The following TAGAP variants were observed in gnomAD, a reference collection of about 807,000 sequenced individuals.
The protein encoded by TAGAP is T cell activation RhoGTPase activating protein.
In TAGAP, 16 loss-of-function variants were observed where a neutral mutation model predicts 36.0. The ratio of observed to expected loss-of-function variants is 0.44; its 90% CI spans 0.30 to 0.68. The LOEUF is 0.68. TAGAP is among the 30% of genes least tolerant of loss of function. The pLI is 0.09. For missense variants in TAGAP, 794 were observed against 921.5 expected, an observed-to-expected ratio of 0.86 and a Z score of 1.79; for synonymous variants, 372 against 377.4, an observed-to-expected ratio of 0.99 and a Z score of 0.17.
rs1156582319 is a variant in TAGAP at position 159,036,442 on chromosome 6, G to T, written c.1581C>A (p.Gly527=). 1.2e-6 allele frequency: 2 copies of T among 1,614,190 alleles called. No homozygotes were observed. Among genetic ancestry groups the T allele is most frequent in the Non-Finnish European group, 1.7e-6 (2 of 1,180,034 alleles). Residue 527 remains glycine, a synonymous_variant, in exon 10 of 10, where the codon GGC becomes GGA. Coordinates refer to ENST00000367066, the MANE Select transcript of TAGAP (RefSeq NM_054114.5). The surrounding 1 kb of genome is among the most constrained non-coding windows in gnomAD (Gnocchi z 4.9). ...KKVLTKNLSA[G]SGKSQDFTRD... is the part of the protein sequence containing the mutation. ...TGGTAAAGTCTTGCGATTTCCCAGA[G>T]CCCGCGCTGAGGTTTTTGGTCAGCA...
chr6:159,042,159 C>G lies in TAGAP; in HGVS notation c.234G>C (p.Glu78Asp). ...SPASDFSGAL[E>D]TDLKASLFDQ... ...CAAATAGCGATGCTTTCAAGTCTGTCTCCAAAGCCCCAGAAAAATCTGATG... is the reference window on the plus strand; with the variant it reads ...CAAATAGCGATGCTTTCAAGTCTGTGTCCAAAGCCCCAGAAAAATCTGATG... The change falls in exon 5 of 10, where the codon GAG becomes GAC. Residue 78 changes from glutamate to aspartate, a missense_variant. Physicochemically the swap from Glu to Asp is conservative, Grantham distance 45 (BLOSUM62 2). Coordinates refer to ENST00000367066, the MANE Select transcript of TAGAP (RefSeq NM_054114.5). 6.2e-7 allele frequency: 1 copy of G among 1,614,212 alleles called. No individual in the cohort carries two copies. The highest frequency in any genetic ancestry group is 8.5e-7 in the Non-Finnish European group (1 of 1,180,038).
chr6:159,040,949 T>C, intron 6 of TAGAP, 117 bp from the exon 7 acceptor site: 2 of 734,460 alleles, frequency 2.7e-6, no homozygotes, highest in South Asian at 3.5e-5. Context: ...TCATAGATTG[T>C]GGCCCTTCAT....
At position 159,036,186 on chromosome 6, in the gene TAGAP, G is replaced by C; in HGVS notation, c.1837C>G (p.Gln613Glu). 6.2e-7 allele frequency: 1 copy of C among 1,611,448 alleles called. No individual in the cohort carries two copies. Among genetic ancestry groups the C allele is most frequent in the Non-Finnish European group, 8.5e-7 (1 of 1,178,990 alleles). Residue 613 changes from glutamine to glutamate, a missense_variant, in exon 10 of 10, where the codon CAG becomes GAG. By Grantham distance (29) the Gln-to-Glu change is conservative (BLOSUM62 2). Coordinates refer to ENST00000367066, the MANE Select transcript of TAGAP (RefSeq NM_054114.5). This position sits in a 1 kb window ranked among gnomAD's most constrained non-coding sequence, Gnocchi z 4.9. ...CCCACCGTCATGCTCCCCACGGTCT[G>C]GCTCTCGGAGGCCACTAGTCTGGCT... ...PAARLVASESQTVGSMTVGSM... is the reference protein window; with the variant it reads ...PAARLVASESETVGSMTVGSM...
chr6:159,041,206 T>A lies in TAGAP; in HGVS notation c.477+148A>T. ...CACAGAAACAGAGGTGCTTACTAAA[T>A]AAATAAATAAAGGGCTTAATGAAAA... On this transcript the variant is annotated intron_variant, in intron 6 of 9. Coordinates refer to ENST00000367066, the MANE Select transcript of TAGAP (RefSeq NM_054114.5). This position sits in a 1 kb window ranked among gnomAD's most constrained non-coding sequence, Gnocchi z 4.1. 1.0e-6 allele frequency: 1 copy of A among 956,976 alleles called. No individual in the cohort carries two copies. The highest frequency in any genetic ancestry group is 1.5e-6 in the Non-Finnish European group (1 of 651,716). The allele number at this position is 956,976 out of a possible 1,614,324, so 59.3% of individuals were successfully genotyped here. A position where few individuals can be genotyped will look rare whatever the true frequency, so the allele number is the denominator to read the frequency against.
rs1207661454 is a variant in TAGAP, at chr6:159,041,339, G to A, written c.477+15C>T. The A allele has an allele frequency of 1.2e-6, 2 of 1,611,250 alleles. No individual in the cohort carries two copies. Among genetic ancestry groups the A allele is most frequent in the South Asian group, 1.1e-5 (1 of 90,826 alleles). On this transcript the variant is annotated intron_variant, in intron 6 of 9. Coordinates refer to ENST00000367066, the MANE Select transcript of TAGAP (RefSeq NM_054114.5). The surrounding 1 kb of genome is among the most constrained non-coding windows in gnomAD (Gnocchi z 4.1). The stretch of plus-strand genomic sequence containing the variant: ...CCCCTTGGCAGGTTATTTGGCGCAA[G>A]TGTGTTGAACTCACCTTAAAGACCA...
intron 1 of TAGAP, 40 bp from the exon 2 acceptor site, chr6:159,044,244 C>T: frequency 8.0e-7 from 1 of 1,251,540 alleles, no homozygotes; most frequent in Non-Finnish European, 1.1e-6. Context: ...GAGGGACTCA[C>T]ACAGTAGGCC....
chr6:159,040,704 G>T lies in TAGAP; in HGVS notation c.587+19C>A. On this transcript the variant is annotated intron_variant, in intron 7 of 9. Transcript: ENST00000367066. ...GAGGTGATGTGGCCTGGCAATGACC[G>T]ATGACTTTGATGACTTACTGTTTCA... 3.7e-6 allele frequency: 6 copies of T among 1,601,562 alleles called. No individual in the cohort carries two copies. Among genetic ancestry groups the T allele is most frequent in the Non-Finnish European group, 5.1e-6 (6 of 1,168,838 alleles).
At chr6:159,038,678 C>T (rs1159641200) in intron 8 of TAGAP, among the ~76,000 whole-genome samples, 1 of 152,068 alleles carries the variant, frequency 6.6e-6, no homozygotes, top group African/African-American at 2.4e-5. Context: ...ACGTGAGCCA[C>T]CATGCCAACA....
rs372364101 is a variant in TAGAP at position 159,043,630 on chromosome 6, A to G, written c.107T>C (p.Leu36Ser). The G allele has an allele frequency of 3.1e-6, 5 of 1,614,124 alleles. No homozygotes were observed. The highest frequency in any genetic ancestry group is 3.3e-5 in the Admixed American group (2 of 60,030). The change falls in exon 4 of 10, where the codon TTG (leucine) becomes TCG (serine). Residue 36 changes from leucine (L) to serine (S), a missense_variant. Coordinates refer to ENST00000367066, the MANE Select transcript of TAGAP (RefSeq NM_054114.5). Reference sequence around the variant, plus strand: ...ACTGTCTTCACTCTCACATGATGCCAACAGGGGATGTTCCTTGATATCACC... The same window carrying G: ...ACTGTCTTCACTCTCACATGATGCCGACAGGGGATGTTCCTTGATATCACC... ...SEGDIKEHPL[L>S]ASCESEDSIC...
chr6:159,036,488 G>C lies in TAGAP; in HGVS notation c.1535C>G (p.Thr512Ser). 3 of 1,614,146 alleles carry C rather than the reference G, an allele frequency of 1.9e-6. No individual in the cohort carries two copies. Among genetic ancestry groups the C allele is most frequent in the Non-Finnish European group, 2.5e-6 (3 of 1,180,026 alleles). The change falls in exon 10 of 10, where the codon ACC becomes AGC. Residue 512 changes from threonine to serine, a missense_variant. Coordinates refer to ENST00000367066, the MANE Select transcript of TAGAP (RefSeq NM_054114.5). The surrounding 1 kb of genome is among the most constrained non-coding windows in gnomAD (Gnocchi z 4.9). ...CAGCACTTTTTTGTGAGGGGCAAAG[G>C]TGAAAGACATGGAGTGCTTTTTAAT... ...REIKKHSMSF[T>S]FAPHKKVLTK...
In TAGAP at chr6:159,035,473, A is replaced by G. The variant is rs1448192806; in HGVS notation, c.*354T>C. ...GGCATGACATTTGAGGCCACATTAA[A>G]AAAGCGAAGATAATTTTTAAACACT... On this transcript the variant is annotated 3_prime_UTR_variant, in exon 10 of 10. Transcript: ENST00000367066. The G allele has an allele frequency of 5.7e-6, 1 of 174,238 alleles. No homozygotes were observed. Among genetic ancestry groups the G allele is most frequent in the Non-Finnish European group, 1.2e-5 (1 of 81,916 alleles). The allele number at this position is 174,238 out of a possible 1,614,324, so 10.8% of individuals were successfully genotyped here.
chr6:159,040,752 G>T lies in TAGAP; in HGVS notation c.558C>A (p.Asp186Glu). ...EEWMGALEMQ[D>E]EEDRIEALKQ... Reference sequence around the variant, plus strand: ...TCAGGGCCTCGATTCTGTCCTCCTCGTCCTGCATCTCCAGAGCACCCATCC... The same window carrying T: ...TCAGGGCCTCGATTCTGTCCTCCTCTTCCTGCATCTCCAGAGCACCCATCC... The change falls in exon 7 of 10, where the codon GAC becomes GAA. Residue 186 changes from aspartate to glutamate, a missense_variant. By Grantham distance (45) the Asp-to-Glu change is conservative. Transcript: ENST00000367066. 1 of 1,614,030 alleles carries T rather than the reference G, an allele frequency of 6.2e-7. No individual in the cohort carries two copies. Among genetic ancestry groups the T allele is most frequent in the East Asian group, 2.2e-5 (1 of 44,870 alleles).
intron 7 of TAGAP, among the ~76,000 whole-genome samples, chr6:159,040,338 A>G (rs150916755): frequency 2.1e-3 from 316 of 152,342 alleles, no homozygotes; most frequent in South Asian, 8.1e-3. Context: ...GTTGCCTTGC[A>G]TGACACCAGT....
rs1404906321 is a variant in TAGAP at position 159,036,187 on chromosome 6, G to A, written c.1836C>T (p.Ser612=). Residue 612 remains serine (S), a synonymous_variant, in exon 10 of 10, where the codon AGC becomes AGT. Transcript: ENST00000367066. The surrounding 1 kb of genome is among the most constrained non-coding windows in gnomAD (Gnocchi z 4.9). ...CCACCGTCATGCTCCCCACGGTCTGGCTCTCGGAGGCCACTAGTCTGGCTG... is the reference window on the plus strand; with the variant it reads ...CCACCGTCATGCTCCCCACGGTCTGACTCTCGGAGGCCACTAGTCTGGCTG... ...GPAARLVASE[S]QTVGSMTVGS... The A allele has an allele frequency of 6.2e-7, 1 of 1,611,292 alleles. No homozygotes were observed. The highest frequency in any genetic ancestry group is 8.5e-7 in the Non-Finnish European group (1 of 1,178,960).
In TAGAP at chr6:159,038,334, G is replaced by T. The variant is rs1242003822; in HGVS notation, c.784-106C>A. 3 of 608,698 alleles carry T rather than the reference G, an allele frequency of 4.9e-6. No individual in the cohort carries two copies. The African/African-American group carries it at 5.8e-5, about 12-fold the overall frequency. The allele number at this position is 608,698 out of a possible 1,614,324, so 37.7% of individuals were successfully genotyped here. On this transcript the variant is annotated intron_variant, in intron 8 of 9. Coordinates refer to ENST00000367066, the MANE Select transcript of TAGAP (RefSeq NM_054114.5). ...ACACTGGAGTCAGGTGCCAAAATGAGAATCTGAGATCTTTATGTGTCTGAA... is the reference window on the plus strand; with the variant it reads ...ACACTGGAGTCAGGTGCCAAAATGATAATCTGAGATCTTTATGTGTCTGAA...
Position 159,035,105 on chromosome 6 carries a change from C to A in TAGAP, c.*722G>T, listed in dbSNP as rs1456003867. The A allele has an allele frequency of 6.6e-6, 1 of 152,320 alleles. No individual in the cohort carries two copies. Among genetic ancestry groups the A allele is most frequent in the African/African-American group, 2.4e-5 (1 of 41,452 alleles). The allele number at this position is 152,320 out of a possible 1,614,324, so 9.4% of individuals were successfully genotyped here. ...ACCTCCACATTATAGGATAGGATAT[C>A]ATGAACTACAAAGATACTCAAAGTG... On this transcript the variant is annotated 3_prime_UTR_variant, in exon 10 of 10. Transcript: ENST00000367066.
Position 159,036,364 on chromosome 6 carries a change from G to T in TAGAP, c.1659C>A (p.Ile553=). ...VRKESQLAGR[I]VQENGCETHN... Reference sequence around the variant, plus strand: ...GGGTTTCACACCCATTTTCCTGCACGATTCGGCCGGCAAGCTGGCTTTCCT... The same window carrying T: ...GGGTTTCACACCCATTTTCCTGCACTATTCGGCCGGCAAGCTGGCTTTCCT... Residue 553 remains isoleucine (I), a synonymous_variant, in exon 10 of 10, where the codon ATC becomes ATA. Transcript: ENST00000367066. This position sits in a 1 kb window ranked among gnomAD's most constrained non-coding sequence, Gnocchi z 4.9. 6.2e-7 allele frequency: 1 copy of T among 1,614,002 alleles called. No individual in the cohort carries two copies. Among genetic ancestry groups the T allele is most frequent in the Non-Finnish European group, 8.5e-7 (1 of 1,180,006 alleles).
At position 159,038,863 on chromosome 6, in the gene TAGAP, A is replaced by G. The variant is rs73800141; in HGVS notation, c.783+251T>C. 230 of 1,348,550 alleles carry G rather than the reference A, an allele frequency of 1.7e-4. 1 individual carries two copies. The African/African-American group carries it at 3.1e-3, about 18-fold the overall frequency. The allele number at this position is 1,348,550 out of a possible 1,614,324, so 83.5% of individuals were successfully genotyped here. ...CACAAAAACAAAAGGGCTTTTTTAT[A>G]TCGGGAGAGAGTGATGTAAATACTC... is the stretch of plus-strand genomic sequence containing the variant. On this transcript the variant is annotated intron_variant, in intron 8 of 9. Transcript: ENST00000367066.
In TAGAP at chr6:159,036,016, C is replaced by G; in HGVS notation, c.2007G>C (p.Gln669His). The G allele has an allele frequency of 6.2e-7, 1 of 1,612,130 alleles. No individual in the cohort carries two copies. The highest frequency in any genetic ancestry group is 1.3e-5 in the African/African-American group (1 of 75,016). ...GLSPLPERWK[Q>H]SRTVHASGDS... The stretch of plus-strand genomic sequence containing the variant: ...CCCCAGAAGCATGGACAGTTCTGCT[C>G]TGTTTCCATCGCTCAGGCAGGGGAG... The change falls in exon 10 of 10, where the codon CAG becomes CAC. Residue 669 changes from glutamine to histidine, a missense_variant. Gln to His is a conservative substitution (Grantham distance 24). Transcript: ENST00000367066. This position sits in a 1 kb window ranked among gnomAD's most constrained non-coding sequence, Gnocchi z 4.9.
Sources: allele counts gnomAD v4.1 joint callset (sites outside exome capture counted in the v4.1 genomes callset), GRCh38; gene constraint gnomAD v4.1.1; non-coding constraint Gnocchi (gnomAD v3.1); transcripts MANE v1.5; gene names NCBI Gene and HGNC (gene_info 2026-07-23, HGNC 2026-07-21).